The following SMG7 variants were observed in gnomAD, a reference collection of about 807,000 sequenced individuals.
SMG7 encodes nonsense-mediated mRNA decay factor SMG7.
Under a neutral mutation model 148.2 loss-of-function variants are expected in SMG7, and 34 were observed. That is an observed-to-expected ratio of 0.23 (90% CI 0.17 to 0.31). The LOEUF is 0.31. Ranked by LOEUF, SMG7 falls within the 10% of genes least tolerant of loss-of-function variation. The pLI is 1.00. For missense variants in SMG7, 1,114 were observed against 1,408.4 expected, an observed-to-expected ratio of 0.79 and a Z score of 3.35; for synonymous variants, 492 against 515.1, an observed-to-expected ratio of 0.96 and a Z score of 0.61.
At chr1:183,491,169 G>A (rs1242826069) in intron 1 of SMG7, among the ~76,000 whole-genome samples, 1 of 152,144 alleles carries the variant, frequency 6.6e-6, no homozygotes, top group African/African-American at 2.4e-5. Context: ...AAGTTTGTTC[G>A]CATGTCCGGT....
intron 4 of SMG7, 120 bp from the exon 5 acceptor site, chr1:183,526,476 C>T (rs1665893082): frequency 6.3e-6 from 4 of 635,278 alleles, no homozygotes; most frequent in Non-Finnish European, 1.1e-5. Flanking sequence ...ATATAATTTT[C>T]ATGCAGTTTT....
intron 18 of SMG7, 137 bp downstream of exon 18, chr1:183,547,389 C>T: frequency 1.3e-6 from 1 of 784,564 alleles, no homozygotes; most frequent in Non-Finnish European, 1.9e-6. Flanking sequence ...TTTCTAATTG[C>T]CTAAACCAAC....
chr1:183,512,747 T>G, intron 1 of SMG7, 90 bp from the exon 2 acceptor site: 1 of 1,208,878 alleles, frequency 8.3e-7, no homozygotes, highest in South Asian at 1.4e-5. Flanking sequence ...GTATATGATT[T>G]CACCTAACTT....
Position 183,526,770 on chromosome 1 carries a change from G to C in SMG7, c.484+3G>C. 4 of 1,604,562 alleles carry C rather than the reference G, an allele frequency of 2.5e-6. No individual in the cohort carries two copies. Among genetic ancestry groups the C allele is most frequent in the Non-Finnish European group, 3.4e-6 (4 of 1,176,034 alleles). ...CCTCGTCCACCTTGGAGACATTGGT[G>C]AGCCTTTGCTGTGAAGGAATTGATA... On this transcript the variant is annotated splice_donor_region_variant and intron_variant, in intron 5 of 22. Transcript: ENST00000688051.
intron 1 of SMG7, among the ~76,000 whole-genome samples, chr1:183,489,220 G>A (rs1244902210): frequency 1.3e-5 from 2 of 152,006 alleles, no homozygotes; most frequent in African/African-American, 4.8e-5. Context: ...AATACCTAAG[G>A]TGCTAAGTAC....
intron 1 of SMG7, among the ~76,000 whole-genome samples, chr1:183,491,154 A>T (rs1018038989): frequency 6.6e-6 from 1 of 152,152 alleles, no homozygotes. Flanking sequence ...ATTTTTTTCA[A>T]TGTTAAGTTT....
At chr1:183,501,586 T>C (rs1016216935) in intron 1 of SMG7, among the ~76,000 whole-genome samples, 1 of 152,226 alleles carries the variant, frequency 6.6e-6, no homozygotes, top group Non-Finnish European at 1.5e-5. Flanking sequence ...GATTTACACC[T>C]GACATACCAC....
chr1:183,489,255 A>G (rs762871159), intron 1 of SMG7, among the ~76,000 whole-genome samples: 31 of 152,110 alleles, frequency 2.0e-4, no homozygotes, highest in Non-Finnish European at 3.7e-4. Context: ...AGATACTAAA[A>G]AGCTAGCTGC....
At chr1:183,540,908 A>T in intron 12 of SMG7, 76 bp from the exon 13 acceptor site, 1 of 1,409,028 alleles carries the variant, frequency 7.1e-7, no homozygotes, top group Non-Finnish European at 1.0e-6. Flanking sequence ...CATTACAGTT[A>T]ATCAGGTGAA....
chr1:183,547,562 TC>T (rs1572102498), intron 18 of SMG7, among the ~76,000 whole-genome samples: 1 of 152,318 alleles, frequency 6.6e-6, no homozygotes, highest in East Asian at 1.9e-4. Flanking sequence ...AGGTGACACT[TC>T]CATCTGGACC....
intron 18 of SMG7, among the ~76,000 whole-genome samples, chr1:183,548,436 C>A (rs939921639): frequency 2.6e-5 from 4 of 152,026 alleles, no homozygotes; most frequent in Non-Finnish European, 5.9e-5. Flanking sequence ...TTCCTGTTCC[C>A]TTAGTGTCCC....
At chr1:183,521,597 A>C (rs1171502120) in intron 4 of SMG7, among the ~76,000 whole-genome samples, 1 of 152,138 alleles carries the variant, frequency 6.6e-6, no homozygotes, top group Non-Finnish European at 1.5e-5. Context: ...GTGTAGTTGC[A>C]GGCCAGGCAT....
rs374218162 is a variant in SMG7 at position 183,504,324 on chromosome 1, GATTTATTTATTT to G, written c.30-8492_30-8481del. The stretch of plus-strand genomic sequence containing the variant: ...CTAGCGATTTTTCTGTTGATATCTT[GATTTATTTATTT>G]ATTTATTTATTTATTTATTTTGAGA... On this transcript the variant is annotated intron_variant, in intron 1 of 22. Transcript: ENST00000688051. 2.3e-3 allele frequency among the ~76,000 whole-genome samples: 348 copies of G among 150,892 alleles called. 2 individuals carry two copies. Among genetic ancestry groups the G allele is most frequent in the African/African-American group, 7.7e-3 (316 of 41,034 alleles).
intron 1 of SMG7, among the ~76,000 whole-genome samples, chr1:183,505,739 T>C (rs1660753977): frequency 6.6e-6 from 1 of 152,256 alleles, no homozygotes; most frequent in Admixed American, 6.5e-5. Context: ...TTGCATTCTT[T>C]ACCTTCTCAT....
At chr1:183,503,316 T>A (rs1158212387) in intron 1 of SMG7, among the ~76,000 whole-genome samples, 3 of 152,246 alleles carry the variant, frequency 2.0e-5, no homozygotes, top group African/African-American at 4.8e-5. Flanking sequence ...TGTTATCAGT[T>A]AGTGTGGTAT....
chr1:183,496,669 T>G (rs542312897), intron 1 of SMG7, among the ~76,000 whole-genome samples: 40 of 152,346 alleles, frequency 2.6e-4, no homozygotes, highest in Non-Finnish European at 5.0e-4. Context: ...TACCTCCTAC[T>G]TCTCTGGCCA....
intron 1 of SMG7, among the ~76,000 whole-genome samples, chr1:183,494,971 G>A (rs1658114331): frequency 6.6e-6 from 1 of 151,562 alleles, no homozygotes; most frequent in African/African-American, 2.4e-5. Flanking sequence ...TGGGACTACA[G>A]ACACACGCCA....
intron 1 of SMG7, among the ~76,000 whole-genome samples, chr1:183,477,486 G>C (rs1231210671): frequency 6.7e-6 from 1 of 149,204 alleles, no homozygotes; most frequent in Non-Finnish European, 1.5e-5. Flanking sequence ...ATATATACAC[G>C]TGTGTGCATA....
chr1:183,541,228 G>A (rs1668793282), intron 13 of SMG7, 125 bp downstream of exon 13: 1 of 832,240 alleles, frequency 1.2e-6, no homozygotes, highest in Non-Finnish European at 1.9e-6. Flanking sequence ...TATAAATATT[G>A]TCAATCATGA....
Sources: gnomAD v4.1 joint callset for allele counts (sites outside exome capture counted in the v4.1 genomes callset) on GRCh38, gnomAD v4.1.1 for gene constraint, MANE v1.5 for transcripts, NCBI Gene and HGNC (gene_info 2026-07-23, HGNC 2026-07-21) for gene names.